The following NPHP4 variants were observed in gnomAD, a reference collection of about 807,000 sequenced individuals.
NPHP4 encodes nephrocystin-4.
NPHP4 carries 151 observed loss-of-function variants against 155.8 expected under a neutral mutation model. That is an observed-to-expected ratio of 0.97 (90% CI 0.85 to 1.11). NPHP4 has a LOEUF of 1.11. NPHP4 is among the 50% of genes least tolerant of loss of function. The pLI, the probability that NPHP4 is intolerant of heterozygous loss-of-function variation, is 0.00. For missense variants in NPHP4, 1,956 were observed against 1,925.7 expected (o/e 1.02, Z -0.29); for synonymous variants, 845 against 816.8 (o/e 1.03, Z -0.59).
At chr1:5,900,062 C>T (rs570633244) in intron 16 of NPHP4, among the ~76,000 whole-genome samples, 2 of 152,280 alleles carry the variant, frequency 1.3e-5, no homozygotes, top group East Asian at 1.9e-4. Context: ...CTGACAACAC[C>T]AAATGCTGGT....
intron 29 of NPHP4, 35 bp downstream of exon 29, chr1:5,863,855 T>G: frequency 6.2e-7 from 1 of 1,612,026 alleles, no homozygotes; most frequent in East Asian, 2.2e-5. Flanking sequence ...TCCCCGGGTC[T>G]TCCCCTAGGA....
intron 6 of NPHP4, among the ~76,000 whole-genome samples, chr1:5,956,109 C>A (rs1187814299): frequency 6.9e-6 from 1 of 144,760 alleles, no homozygotes; most frequent in Non-Finnish European, 1.5e-5. Context: ...TAACGGAGGA[C>A]AAAGGCCATT....
chr1:5,909,236 A>T (rs1294292881), intron 11 of NPHP4, 23 bp from the exon 12 acceptor site: 1 of 1,588,170 alleles, frequency 6.3e-7, no homozygotes, highest in Admixed American at 1.8e-5. Flanking sequence ...ACAGTGGGGT[A>T]GGAGAGGGAA....
At chr1:5,964,941 A>ATTTTTTTTTTTTTTTTTTT (rs55734317) in intron 5 of NPHP4, among the ~76,000 whole-genome samples, 9 of 59,412 alleles carry the variant, frequency 1.5e-4, no homozygotes, top group Non-Finnish European at 2.3e-4. Context: ...ATATATATAT[A>ATTTTTTTTTTTTTTTTTTT]TTTTTTTTTT....
At chr1:5,969,621 C>T (rs962367735) in intron 3 of NPHP4, among the ~76,000 whole-genome samples, 5 of 152,200 alleles carry the variant, frequency 3.3e-5, no homozygotes, top group Non-Finnish European at 5.9e-5. Context: ...GCTATGCACC[C>T]AACCCTGCAG....
intron 1 of NPHP4, among the ~76,000 whole-genome samples, chr1:5,990,591 G>A (rs1192291716): frequency 1.3e-5 from 2 of 152,130 alleles, no homozygotes; most frequent in Non-Finnish European, 2.9e-5. Context: ...TGAGAACACT[G>A]AGACTCAGAA....
At position 5,944,582 on chromosome 1, in the gene NPHP4, C is replaced by T. The variant is rs897318854; in HGVS notation, c.1119+2522G>A. On this transcript the variant is annotated intron_variant, in intron 9 of 29. Coordinates refer to ENST00000378156, the MANE Select transcript of NPHP4 (RefSeq NM_015102.5). This position sits in a 1 kb window ranked among gnomAD's most constrained non-coding sequence, Gnocchi z 4.3. Reference sequence around the variant, plus strand: ...TGGAAGGTCATTTCACACACTGCAACATTTCCATTCCAGATTTCACCCAGG... The same window carrying T: ...TGGAAGGTCATTTCACACACTGCAATATTTCCATTCCAGATTTCACCCAGG... Among the ~76,000 whole-genome samples the T allele has an allele frequency of 2.0e-5, 3 of 152,246 alleles. No homozygotes were observed. The highest frequency in any genetic ancestry group is 7.2e-5 in the African/African-American group (3 of 41,472).
At chr1:5,870,730 T>G (rs1641911480) in intron 23 of NPHP4, among the ~76,000 whole-genome samples, 1 of 152,206 alleles carries the variant, frequency 6.6e-6, no homozygotes, top group African/African-American at 2.4e-5. Context: ...CAGTATGATG[T>G]TCGTAGAGGA....
At chr1:5,933,582 A>T (rs112765370) in intron 9 of NPHP4, among the ~76,000 whole-genome samples, 1 of 152,106 alleles carries the variant, frequency 6.6e-6, no homozygotes, top group Admixed American at 6.5e-5. Flanking sequence ...CCCACCCATG[A>T]GTCTCCTTTT....
chr1:5,918,010 C>T (rs1241942342), intron 11 of NPHP4, among the ~76,000 whole-genome samples: 1 of 152,178 alleles, frequency 6.6e-6, no homozygotes, highest in South Asian at 2.1e-4. Context: ...GCGCACGCAG[C>T]GAGAGTGAGA....
In NPHP4 at chr1:5,947,230, G is replaced by C. The variant is rs1647152367; in HGVS notation, c.993C>G (p.Ser331Arg). The C allele has an allele frequency of 1.9e-6, 3 of 1,613,608 alleles. No individual in the cohort carries two copies. Among genetic ancestry groups the C allele is most frequent in the Non-Finnish European group, 2.5e-6 (3 of 1,179,740 alleles). The change falls in exon 9 of 30, where the codon AGC (serine) becomes AGG (arginine). Residue 331 changes from serine (S) to arginine (R), a missense_variant and splice_region_variant. Transcript: ENST00000378156. ...SRKVVSSSKT[S>R]SGSQALVLRS... ...TCAAAACCAGAGCTTGGCTCCCGGA[G>C]CTGGGTCAGAAACACAAACCAGGGA...
chr1:5,960,270 C>A (rs1267389346), intron 6 of NPHP4, among the ~76,000 whole-genome samples: 1 of 152,166 alleles, frequency 6.6e-6, no homozygotes, highest in African/African-American at 2.4e-5. Flanking sequence ...TTCATTCCTC[C>A]CTTCTCATTT....
At chr1:5,904,941 T>C (rs1426509479) in intron 15 of NPHP4, 137 bp from the exon 16 acceptor site, 8 of 805,510 alleles carry the variant, frequency 9.9e-6, no homozygotes, top group Non-Finnish European at 1.4e-5. Flanking sequence ...TGGTCACCAA[T>C]GCAACCGCTT....
chr1:5,949,343 T>TACACACACACAC (rs140032819), intron 7 of NPHP4, among the ~76,000 whole-genome samples: 7,564 of 140,640 alleles, frequency 0.054, 504 homozygotes, highest in African/African-American at 0.14. Flanking sequence ...TTCACATACA[T>TACACACACACAC]ACACACACAC....
chr1:5,863,563 G>T, intron 29 of NPHP4, 158 bp from the exon 30 acceptor site: 1 of 792,974 alleles, frequency 1.3e-6, no homozygotes, highest in Non-Finnish European at 2.1e-6. Flanking sequence ...TCAGCGCCCG[G>T]TACAAGGATG....
In NPHP4 at chr1:5,962,092, C is replaced by T. The variant is rs116164140; in HGVS notation, c.518-143G>A. 2,067 of 550,948 alleles carry T rather than the reference C, an allele frequency of 3.8e-3. 29 individuals are homozygous for T. Among genetic ancestry groups the T allele is most frequent in the African/African-American group, 0.034 (1,817 of 53,688 alleles). The allele number at this position is 550,948 out of a possible 1,614,324, so 34.1% of individuals were successfully genotyped here. ...GGGAGAGTGAAGTGGTGCTCTGTTC[C>T]GCCTCAAGTGAAAGGCATTGATCTT... is the stretch of plus-strand genomic sequence containing the variant. On this transcript the variant is annotated intron_variant, in intron 5 of 29. Coordinates refer to ENST00000378156, the MANE Select transcript of NPHP4 (RefSeq NM_015102.5).
intron 1 of NPHP4, among the ~76,000 whole-genome samples, chr1:5,990,094 C>T (rs1158195542): frequency 6.6e-6 from 1 of 152,186 alleles, no homozygotes; most frequent in Non-Finnish European, 1.5e-5. Flanking sequence ...CAAACCTCTC[C>T]GGGTGCCCTT....
At chr1:5,980,447 G>A (rs537439788) in intron 2 of NPHP4, among the ~76,000 whole-genome samples, 5 of 152,242 alleles carry the variant, frequency 3.3e-5, no homozygotes, top group Admixed American at 6.5e-5. Flanking sequence ...CACGGCGCGA[G>A]GAGAAGCTGG....
chr1:5,953,823 C>T (rs1648662794), intron 6 of NPHP4, among the ~76,000 whole-genome samples: 1 of 152,228 alleles, frequency 6.6e-6, no homozygotes, highest in Admixed American at 6.5e-5. Context: ...CGTTTCCCAA[C>T]CTACACACAC....
Sources: allele counts gnomAD v4.1 joint callset (sites outside exome capture counted in the v4.1 genomes callset), GRCh38; gene constraint gnomAD v4.1.1; non-coding constraint Gnocchi (gnomAD v3.1); transcripts MANE v1.5; gene names NCBI Gene and HGNC (gene_info 2026-07-23, HGNC 2026-07-21).